KATNBL1: variants seen among roughly 807,000 people sequenced by gnomAD.
KATNBL1 encodes KATNB1-like protein 1.
Under a neutral mutation model 44.7 loss-of-function variants are expected in KATNBL1, and 28 were observed. The ratio of observed to expected loss-of-function variants is 0.63; its 90% CI spans 0.46 to 0.86. KATNBL1 has a LOEUF of 0.86. Ranked by LOEUF, KATNBL1 falls within the 40% of genes least tolerant of loss-of-function variation. The pLI, the probability that KATNBL1 is intolerant of heterozygous loss-of-function variation, is 0.00. For synonymous variants in KATNBL1, 78 were observed against 114.9 expected, an observed-to-expected ratio of 0.68 and a Z score of 2.06; for missense variants, 272 against 350.7, an observed-to-expected ratio of 0.78 and a Z score of 1.79.
At chr15:34,160,464 T>C (rs1207220163) in intron 2 of KATNBL1, among the ~76,000 whole-genome samples, 1 of 152,210 alleles carries the variant, frequency 6.6e-6, no homozygotes, top group Non-Finnish European at 1.5e-5. Context: ...TTTAACATCC[T>C]TCATCTGGGG....
In KATNBL1 at chr15:34,170,697, G is replaced by A. The variant is rs373862738; in HGVS notation, c.-14-7007C>T. 1.1e-3 allele frequency among the ~76,000 whole-genome samples: 164 copies of A among 152,226 alleles called. 4 individuals are homozygous for A. The South Asian group carries it at 0.023, about 21-fold the overall frequency. ...ACCTGACTTCAAACTATACTACAAG[G>A]CTACAGTAACGAAAACAGCATGGTA... On this transcript the variant is annotated intron_variant, in intron 1 of 9. Coordinates refer to ENST00000256544, the MANE Select transcript of KATNBL1 (RefSeq NM_024713.3).
intron 1 of KATNBL1, among the ~76,000 whole-genome samples, chr15:34,193,709 G>A (rs914495506): frequency 3.3e-5 from 5 of 151,278 alleles, no homozygotes; most frequent in South Asian, 4.2e-4. Flanking sequence ...AAAATTAGCC[G>A]GGCATAGTGG....
chr15:34,160,176 T>A (rs1450350146), intron 2 of KATNBL1, among the ~76,000 whole-genome samples: 1 of 152,216 alleles, frequency 6.6e-6, no homozygotes, highest in African/African-American at 2.4e-5. Flanking sequence ...GTTCTGTCCT[T>A]TTTTCTTTTC....
At chr15:34,199,552 T>C (rs1461244425) in intron 1 of KATNBL1, 1 of 152,248 alleles carries the variant, frequency 6.6e-6, no homozygotes, top group Non-Finnish European at 1.5e-5. Context: ...AGTTGGCTCC[T>C]TCCAGTTAGT....
chr15:34,162,724 C>T (rs561977580), intron 2 of KATNBL1, among the ~76,000 whole-genome samples: 4 of 152,174 alleles, frequency 2.6e-5, no homozygotes, highest in Admixed American at 2.6e-4. Flanking sequence ...ATCCTCCTAC[C>T]TCAGCCTCCC....
intron 1 of KATNBL1, among the ~76,000 whole-genome samples, chr15:34,164,066 A>G (rs546086182): frequency 3.7e-4 from 56 of 151,932 alleles, no homozygotes; most frequent in African/African-American, 1.3e-3. Context: ...CTAATTTTAT[A>G]TTTTTTCAGT....
chr15:34,169,007 G>C (rs1836357120), intron 1 of KATNBL1, among the ~76,000 whole-genome samples: 2 of 149,098 alleles, frequency 1.3e-5, no homozygotes, highest in Non-Finnish European at 3.0e-5. Flanking sequence ...CAATCGACAT[G>C]CTAAAATCAC....
At chr15:34,197,573 G>C (rs1415973870) in intron 1 of KATNBL1, among the ~76,000 whole-genome samples, 1 of 152,172 alleles carries the variant, frequency 6.6e-6, no homozygotes, top group African/African-American at 2.4e-5. Flanking sequence ...GTTTCTATAT[G>C]TGCATATGTA....
intron 1 of KATNBL1, among the ~76,000 whole-genome samples, chr15:34,173,671 G>T (rs543804004): frequency 6.6e-6 from 1 of 152,226 alleles, no homozygotes; most frequent in Admixed American, 6.5e-5. Flanking sequence ...AGGAAAACTG[G>T]TATACATCGG....
At chr15:34,191,306 T>C (rs1290121275) in intron 1 of KATNBL1, among the ~76,000 whole-genome samples, 2 of 151,868 alleles carry the variant, frequency 1.3e-5, no homozygotes, top group Non-Finnish European at 2.9e-5. Flanking sequence ...AACAGTCTAT[T>C]AGGTGGCTAT....
intron 1 of KATNBL1, among the ~76,000 whole-genome samples, chr15:34,200,059 C>T (rs1595366791): frequency 6.6e-6 from 1 of 152,146 alleles, no homozygotes; most frequent in African/African-American, 2.4e-5. Context: ...GGTGCATTTA[C>T]AATCCTCTAG....
rs1888175653 is a variant in KATNBL1, at chr15:34,142,402, GACAGT to G, written c.883-36_883-32del. On this transcript the variant is annotated intron_variant, in intron 9 of 9. Coordinates refer to ENST00000256544, the MANE Select transcript of KATNBL1 (RefSeq NM_024713.3). Reference sequence around the variant, plus strand: ...AAGATAAAACAAAAACATTTCATTAGACAGTACAGTAAATACAAACATAAACAATC... The same window carrying G: ...AAGATAAAACAAAAACATTTCATTAGACAGTAAATACAAACATAAACAATC... The G allele has an allele frequency of 3.8e-6, 6 of 1,564,438 alleles. No individual in the cohort carries two copies. The African/African-American group carries it at 4.2e-5, about 11-fold the overall frequency.
At chr15:34,145,198 G>C in intron 9 of KATNBL1, 200 bp downstream of exon 9, 2 of 1,371,382 alleles carry the variant, frequency 1.5e-6, no homozygotes, top group Non-Finnish European at 1.9e-6. Context: ...CATGAAACAT[G>C]TTCAATGGCC....
intron 1 of KATNBL1, among the ~76,000 whole-genome samples, chr15:34,169,441 ATAAT>A (rs1235109576): frequency 2.0e-5 from 3 of 152,210 alleles, no homozygotes; most frequent in Non-Finnish European, 4.4e-5. Context: ...AATTGAGGCA[ATAAT>A]TAATAGCCTA....
At chr15:34,198,638 T>A (rs781146080) in intron 1 of KATNBL1, among the ~76,000 whole-genome samples, 18 of 152,122 alleles carry the variant, frequency 1.2e-4, no homozygotes, top group South Asian at 4.1e-4. Flanking sequence ...GCGCTAACAG[T>A]GTATAGCAGG....
At chr15:34,158,811 T>A (rs1000214120) in intron 2 of KATNBL1, among the ~76,000 whole-genome samples, 1 of 152,220 alleles carries the variant, frequency 6.6e-6, no homozygotes, top group Non-Finnish European at 1.5e-5. Context: ...GACTACTGAG[T>A]ACCCATTATG....
At chr15:34,148,503 G>C in intron 5 of KATNBL1, 129 bp downstream of exon 5, 1 of 578,696 alleles carries the variant, frequency 1.7e-6, no homozygotes, top group South Asian at 2.0e-5. Flanking sequence ...TGGGAGGGCT[G>C]CTTGAACTCA....
chr15:34,189,650 G>A (rs993582995), intron 1 of KATNBL1, among the ~76,000 whole-genome samples: 7 of 152,142 alleles, frequency 4.6e-5, no homozygotes, highest in Non-Finnish European at 1.5e-5. Flanking sequence ...ATAGAGAGGA[G>A]ACAGTTTCCT....
At chr15:34,189,116 T>G (rs554351387) in intron 1 of KATNBL1, among the ~76,000 whole-genome samples, 1 of 151,674 alleles carries the variant, frequency 6.6e-6, no homozygotes, top group South Asian at 2.1e-4. Context: ...CCACAACCTC[T>G]GCCTCCCGGG....
Sources: allele counts gnomAD v4.1 joint callset (sites outside exome capture counted in the v4.1 genomes callset), GRCh38; gene constraint gnomAD v4.1.1; transcripts MANE v1.5; gene names NCBI Gene and HGNC (gene_info 2026-07-23, HGNC 2026-07-21).